SPRED2: variants seen among roughly 807,000 people sequenced by gnomAD.
SPRED2 encodes sprouty related EVH1 domain containing 2.
SPRED2 carries 47 observed loss-of-function variants against 43.0 expected under a neutral mutation model. The ratio of observed to expected loss-of-function variants is 1.09; its 90% confidence interval spans 0.87 to 1.40. SPRED2 has a LOEUF of 1.40. Among genes scored for constraint, SPRED2 ranks in the 40% most tolerant of loss-of-function variants. The pLI is 0.00. For missense variants in SPRED2, 561 were observed against 586.4 expected (o/e 0.96, Z 0.45); for synonymous variants, 225 against 225.7 (o/e 1.00, Z 0.03).
At chr2:65,409,865 A>G (rs1676113422) in intron 1 of SPRED2, among the ~76,000 whole-genome samples, 1 of 151,264 alleles carries the variant, frequency 6.6e-6, no homozygotes, top group Non-Finnish European at 1.5e-5. Context: ...GAAACCCTCT[A>G]CTAAAAATAC....
At chr2:65,354,784 A>C (rs1674601833) in intron 1 of SPRED2, among the ~76,000 whole-genome samples, 1 of 152,224 alleles carries the variant, frequency 6.6e-6, no homozygotes, top group African/African-American at 2.4e-5. Context: ...CTAAAACCCT[A>C]ACATGGGGCA....
At position 65,352,254 on chromosome 2, in the gene SPRED2, A is replaced by C. The variant is rs72896503; in HGVS notation, c.27-7358T>G. Among the ~76,000 whole-genome samples, 342 of 152,316 alleles carry C rather than the reference A, an allele frequency of 2.2e-3. 4 individuals are homozygous for C. The highest frequency in any genetic ancestry group is 8.0e-3 in the African/African-American group (334 of 41,566). ...GCAGGCACTGTGAGGCAGAGAAGAG[A>C]TTTTCTGATCATTAAACGTTTGTTT... On this transcript the variant is annotated intron_variant, in intron 1 of 5. Transcript: ENST00000356388.
intron 1 of SPRED2, among the ~76,000 whole-genome samples, chr2:65,373,320 C>T (rs933799203): frequency 1.3e-5 from 2 of 152,116 alleles, no homozygotes; most frequent in African/African-American, 4.8e-5. Flanking sequence ...AAAAGTACCC[C>T]ATAAAGAAGA....
At chr2:65,422,077 A>AACACACACACACACACACACAC (rs367817858) in intron 1 of SPRED2, among the ~76,000 whole-genome samples, 2 of 127,664 alleles carry the variant, frequency 1.6e-5, no homozygotes, top group Admixed American at 7.8e-5. Context: ...TTGTATGTAC[A>AACACACACACACACACACACAC]ACACACACAC....
chr2:65,334,628 T>A lies in SPRED2; in HGVS notation c.350A>T (p.Lys117Ile), dbSNP rs760734416. Residue 117 changes from lysine to isoleucine, a missense_variant, in exon 3 of 6, where the codon AAA (lysine) becomes ATA (isoleucine). By Grantham distance (102) the Lys-to-Ile change is moderately radical. Around this residue, in one of 6 missense-constraint regions of SPRED2, gnomAD observed 305 missense variants for 282.4 expected, o/e 1.08. Transcript: ENST00000356388. ...DARAFDRGVR[K>I]AIEDLIEGST... ...ACCTTCTATAAGGTCTTCGATTGCT[T>A]TCCTTACTCCCCTGTCAAAGGCTCG... 2.5e-6 allele frequency: 4 copies of A among 1,614,116 alleles called. No individual in the cohort carries two copies. In the African/African-American group the frequency reaches 5.3e-5, roughly 22 times the overall value.
chr2:65,353,394 A>T (rs1674565210), intron 1 of SPRED2, among the ~76,000 whole-genome samples: 1 of 152,200 alleles, frequency 6.6e-6, no homozygotes, highest in African/African-American at 2.4e-5. Flanking sequence ...ACTATTTTCC[A>T]GTGCACATAT....
At chr2:65,400,831 C>T (rs929906442) in intron 1 of SPRED2, among the ~76,000 whole-genome samples, 6 of 152,202 alleles carry the variant, frequency 3.9e-5, no homozygotes, top group African/African-American at 1.2e-4. Context: ...GCCACCCACC[C>T]TGGAAGGCAG....
At chr2:65,421,615 G>A (rs934679718) in intron 1 of SPRED2, among the ~76,000 whole-genome samples, 3 of 152,186 alleles carry the variant, frequency 2.0e-5, no homozygotes, top group African/African-American at 7.2e-5. Flanking sequence ...CTTTCCATCA[G>A]GGGTAAGTTG....
intron 4 of SPRED2, among the ~76,000 whole-genome samples, chr2:65,327,746 C>T (rs867445561): frequency 2.7e-3 from 268 of 98,494 alleles, no homozygotes; most frequent in African/African-American, 9.8e-3. Flanking sequence ...TTTTTTGAGA[C>T]GGAGTCTCGC....
rs533053839 is a variant in SPRED2 at position 65,373,190 on chromosome 2, C to A, written c.27-28294G>T. ...CCTAGCTTTGCCACTAGTTATACAACCTGAGGTAGAGTCACTTAACTTCTT... is the reference window on the plus strand; with the variant it reads ...CCTAGCTTTGCCACTAGTTATACAAACTGAGGTAGAGTCACTTAACTTCTT... On this transcript the variant is annotated intron_variant, in intron 1 of 5. Transcript: ENST00000356388. Among the ~76,000 whole-genome samples the A allele has an allele frequency of 2.6e-4, 40 of 152,292 alleles. No individual in the cohort carries two copies. In the South Asian group the frequency reaches 7.9e-3, roughly 30 times the overall value.
At chr2:65,423,963 A>T (rs1676498149) in intron 1 of SPRED2, among the ~76,000 whole-genome samples, 1 of 151,914 alleles carries the variant, frequency 6.6e-6, no homozygotes, top group African/African-American at 2.4e-5. Flanking sequence ...CTAATTTTGT[A>T]TATTTAGTAG....
chr2:65,310,458 TACACACACACACACACACACACACAC>T (rs55916427), downstream of SPRED2, among the ~76,000 whole-genome samples: 6 of 137,894 alleles, frequency 4.4e-5, 1 homozygote, highest in African/African-American at 1.6e-4. Flanking sequence ...TCCTCCAAAC[TACACACACACACACACACACACACAC>T]ACACACACAC....
intron 1 of SPRED2, among the ~76,000 whole-genome samples, chr2:65,403,499 T>C (rs1264237779): frequency 6.6e-6 from 1 of 152,202 alleles, no homozygotes; most frequent in Non-Finnish European, 1.5e-5. Context: ...ACTCCTGGGC[T>C]CAAGCAATCC....
chr2:65,326,304 G>A (rs73936453), intron 4 of SPRED2, among the ~76,000 whole-genome samples: 150 of 152,250 alleles, frequency 9.9e-4, no homozygotes, highest in African/African-American at 3.5e-3. Context: ...TGGATGAGTT[G>A]CAAGATTTTC....
At chr2:65,308,219 C>T, downstream of SPRED2, 4 of 828,314 alleles carry the variant, frequency 4.8e-6, no homozygotes, top group Non-Finnish European at 5.8e-6. Context: ...GAGGTTCAGG[C>T]AGGCAGTACT....
chr2:65,338,924 G>T (rs1674074458), intron 2 of SPRED2, among the ~76,000 whole-genome samples: 1 of 152,034 alleles, frequency 6.6e-6, no homozygotes, highest in African/African-American at 2.4e-5. Context: ...CATCGTCTGA[G>T]ATGTGGGGAG....
chr2:65,310,331 C>T (rs1417307616), downstream of SPRED2, among the ~76,000 whole-genome samples: 1 of 152,178 alleles, frequency 6.6e-6, no homozygotes. Flanking sequence ...TGGGGATTGT[C>T]ACTGTAGCTC....
At chr2:65,308,662 C>G, downstream of SPRED2, 2 of 712,464 alleles carry the variant, frequency 2.8e-6, no homozygotes, top group South Asian at 1.3e-4. Flanking sequence ...ATCATTTAAC[C>G]TTCACGCCAG....
chr2:65,396,326 G>C (rs1401095866), intron 1 of SPRED2, among the ~76,000 whole-genome samples: 1 of 152,110 alleles, frequency 6.6e-6, no homozygotes, highest in Non-Finnish European at 1.5e-5. Context: ...GGGTTTACTT[G>C]AAACCCACCC....
Sources: gnomAD v4.1 joint callset for allele counts (sites outside exome capture counted in the v4.1 genomes callset) on GRCh38, gnomAD v4.1.1 for gene constraint, gnomAD v4.1.1 regional missense constraint, MANE v1.5 for transcripts, NCBI Gene and HGNC (gene_info 2026-07-23, HGNC 2026-07-21) for gene names.